The following F10 variants were observed in gnomAD, a reference collection of about 807,000 sequenced individuals.
F10 encodes the protein Stuart-Prower factor.
F10 carries 29 observed loss-of-function variants against 37.1 expected under a neutral mutation model. The ratio of observed to expected loss-of-function variants is 0.78; its 90% confidence interval spans 0.58 to 1.07. The LOEUF is 1.07. F10 is among the 50% of genes least tolerant of loss of function. The pLI, the probability that F10 is intolerant of heterozygous loss-of-function variation, is 0.00. For missense variants in F10, 539 were observed against 667.9 expected, an observed-to-expected ratio of 0.81 and a Z score of 2.13; for synonymous variants, 262 against 268.6, an observed-to-expected ratio of 0.98 and a Z score of 0.24.
At chr13:113,126,268 C>G (rs1461722609) in intron 1 of F10, among the ~76,000 whole-genome samples, 1 of 152,178 alleles carries the variant, frequency 6.6e-6, no homozygotes, top group Non-Finnish European at 1.5e-5. Flanking sequence ...TACCCTCTTC[C>G]TCACACAGTC....
intron 7 of F10, among the ~76,000 whole-genome samples, chr13:113,148,399 T>TACACAC (rs10672302): frequency 0.039 from 5,379 of 138,512 alleles, 170 homozygotes; most frequent in Non-Finnish European, 0.061. Context: ...TACATATATA[T>TACACAC]ACACACACAC....
chr13:113,137,085 A>C (rs2036486226), intron 2 of F10, among the ~76,000 whole-genome samples: 1 of 152,226 alleles, frequency 6.6e-6, no homozygotes, highest in Non-Finnish European at 1.5e-5. Context: ...ACGCCTGGCC[A>C]GCAACTCTAT....
At chr13:113,142,556 C>CA (rs5806973) in intron 5 of F10, among the ~76,000 whole-genome samples, 2,849 of 60,830 alleles carry the variant, frequency 0.047, 135 homozygotes, top group African/African-American at 0.12. Context: ...GACTCTGTCT[C>CA]AAAAAAAAAA....
Position 113,139,634 on chromosome 13 carries a change from A to G in F10, c.370+164A>G, listed in dbSNP as rs910895775. 2.0e-5 allele frequency among the ~76,000 whole-genome samples: 3 copies of G among 151,772 alleles called. No individual in the cohort carries two copies. Among genetic ancestry groups the G allele is most frequent in the African/African-American group, 4.8e-5 (2 of 41,302 alleles). ...TTATACTGTGCCACTATAGCAATAG[A>G]AAAAAAAGCCCCAATATGTCCCCCA... On this transcript the variant is annotated intron_variant, in intron 4 of 7. Transcript: ENST00000375559. The surrounding 1 kb of genome is among the most constrained non-coding windows in gnomAD (Gnocchi z 5.2).
chr13:113,143,023 C>T lies in F10; in HGVS notation c.503-828C>T, dbSNP rs796731961. On this transcript the variant is annotated intron_variant, in intron 5 of 7. Coordinates refer to ENST00000375559, the MANE Select transcript of F10 (RefSeq NM_000504.4). This position sits in a 1 kb window ranked among gnomAD's most constrained non-coding sequence, Gnocchi z 6.8. ...ACACATGGACAGAGCTGAGGCACGG[C>T]GGGGTGGAGGCCCCTGCGGCTGGCA... 1.5e-4 allele frequency among the ~76,000 whole-genome samples: 23 copies of T among 152,268 alleles called. No homozygotes were observed. Among genetic ancestry groups the T allele is most frequent in the African/African-American group, 4.3e-4 (18 of 41,556 alleles).
intron 2 of F10, among the ~76,000 whole-genome samples, chr13:113,133,166 A>C (rs1438026394): frequency 6.6e-6 from 1 of 152,140 alleles, no homozygotes; most frequent in Non-Finnish European, 1.5e-5. Context: ...TTGTTTATGT[A>C]AGCTTCCACT....
chr13:113,138,933 C>A (rs1263425596), intron 3 of F10, among the ~76,000 whole-genome samples: 1 of 152,220 alleles, frequency 6.6e-6, no homozygotes, highest in Non-Finnish European at 1.5e-5. Flanking sequence ...TTGTGTAAAT[C>A]CTCCAAGAAA....
intron 2 of F10, chr13:113,129,905 A>G: frequency 2.3e-6 from 1 of 438,490 alleles, no homozygotes; most frequent in Non-Finnish European, 4.3e-6. Context: ...TTAAAAATAA[A>G]ATGTTAACCT....
intron 2 of F10, among the ~76,000 whole-genome samples, chr13:113,134,257 C>T (rs2036458906): frequency 6.6e-6 from 1 of 152,060 alleles, no homozygotes; most frequent in Non-Finnish European, 1.5e-5. Context: ...TATAGAAAAT[C>T]CTAAAGAATG....
intron 4 of F10, chr13:113,140,399 T>TGTGTTCTTAGATTGGATTACTTTTGA: frequency 2.4e-6 from 1 of 416,896 alleles, no homozygotes; most frequent in Non-Finnish European, 4.9e-6. Context: ...ATCTTTAGAC[T>TGTGTTCTTAGATTGGATTACTTTTGA]GTGTTCTTAG....
chr13:113,144,027 A>C lies in F10; in HGVS notation c.679A>C (p.Arg227=), dbSNP rs1446655179. ...LLDFNQTQPE[R]GDNNLTRIVG... is the part of the protein sequence containing the mutation. ...TGACTTCAACCAGACGCAGCCTGAG[A>C]GGGGCGACAACAACCTCACCAGGAT... Residue 227 remains arginine (R), a synonymous_variant, in exon 6 of 8, where the codon AGG becomes CGG. Coordinates refer to ENST00000375559, the MANE Select transcript of F10 (RefSeq NM_000504.4). The surrounding 1 kb of genome is among the most constrained non-coding windows in gnomAD (Gnocchi z 6.4). 2 of 1,613,574 alleles carry C rather than the reference A, an allele frequency of 1.2e-6. No individual in the cohort carries two copies. Among genetic ancestry groups the C allele is most frequent in the Non-Finnish European group, 1.7e-6 (2 of 1,179,960 alleles).
At chr13:113,137,310 A>G (rs1446475908) in intron 2 of F10, among the ~76,000 whole-genome samples, 1 of 152,116 alleles carries the variant, frequency 6.6e-6, no homozygotes, top group African/African-American at 2.4e-5. Flanking sequence ...CATTGTGATA[A>G]AGAATAGATT....
Position 113,141,805 on chromosome 13 carries a change from A to T in F10, c.502+755A>T, listed in dbSNP as rs1230537563. On this transcript the variant is annotated intron_variant, in intron 5 of 7. Transcript: ENST00000375559. The surrounding 1 kb of genome is among the most constrained non-coding windows in gnomAD (Gnocchi z 5.4). ...CCCACTCATAGCTGGCCCGACCCGC[A>T]GCGTTGGCCTCACCCGGGGGCATAT... 1.3e-5 allele frequency among the ~76,000 whole-genome samples: 2 copies of T among 152,128 alleles called. No individual in the cohort carries two copies. Among genetic ancestry groups the T allele is most frequent in the Non-Finnish European group, 2.9e-5 (2 of 68,020 alleles).
rs137995645 is a variant in F10, at chr13:113,144,053, C to T, written c.705C>T (p.Ile235=). The stretch of plus-strand genomic sequence containing the variant: ...GGGGCGACAACAACCTCACCAGGAT[C>T]GTGGGAGGCCAGGAATGCAAGGACG... The part of the protein sequence containing the change: ...PERGDNNLTR[I]VGGQECKDGE... Residue 235 remains isoleucine, a synonymous_variant, in exon 6 of 8, where the codon ATC becomes ATT. Transcript: ENST00000375559. The surrounding 1 kb of genome is among the most constrained non-coding windows in gnomAD (Gnocchi z 6.4). 15 of 1,613,944 alleles carry T rather than the reference C, an allele frequency of 9.3e-6. No individual in the cohort carries two copies. The highest frequency in any genetic ancestry group is 8.9e-5 in the East Asian group (4 of 44,866).
At chr13:113,131,614 A>G (rs976551329) in intron 2 of F10, 1 of 152,264 alleles carries the variant, frequency 6.6e-6, no homozygotes, top group African/African-American at 2.4e-5. Context: ...ACCTCAGAAC[A>G]TATTCAGGCG....
At position 113,143,969 on chromosome 13, in the gene F10, C is replaced by T. The variant is rs147238846; in HGVS notation, c.621C>T (p.Asp207=). Residue 207 remains aspartate (D), a synonymous_variant, in exon 6 of 8, where the codon GAC becomes GAT. Coordinates refer to ENST00000375559, the MANE Select transcript of F10 (RefSeq NM_000504.4). This position sits in a 1 kb window ranked among gnomAD's most constrained non-coding sequence, Gnocchi z 6.8. ...SITWKPYDAA[D]LDPTENPFDL... is the part of the protein sequence containing the mutation. ...CATGGAAGCCATATGATGCAGCCGACCTGGACCCCACCGAGAACCCCTTCG... is the reference window on the plus strand; with the variant it reads ...CATGGAAGCCATATGATGCAGCCGATCTGGACCCCACCGAGAACCCCTTCG... The T allele has an allele frequency of 2.7e-4, 433 of 1,610,912 alleles. No individual in the cohort carries two copies. In the African/African-American group the frequency reaches 5.2e-3, roughly 19 times the overall value.
chr13:113,148,648 G>C (rs1170365098), intron 7 of F10, among the ~76,000 whole-genome samples: 2 of 152,166 alleles, frequency 1.3e-5, no homozygotes, highest in Non-Finnish European at 2.9e-5. Context: ...CCCACGACTG[G>C]CACAGACGAT....
At chr13:113,133,324 A>T (rs1393212660) in intron 2 of F10, among the ~76,000 whole-genome samples, 1 of 152,204 alleles carries the variant, frequency 6.6e-6, no homozygotes, top group Admixed American at 6.5e-5. Context: ...AACAAACAAA[A>T]ACAAGAAAAA....
At chr13:113,148,341 A>AT (rs1555396289) in intron 7 of F10, among the ~76,000 whole-genome samples, 15 of 103,438 alleles carry the variant, frequency 1.5e-4, no homozygotes, top group African/African-American at 5.6e-4. Context: ...AAAAAAAAAA[A>AT]AAAAATATAT....
Sources: gnomAD v4.1 joint callset for allele counts (sites outside exome capture counted in the v4.1 genomes callset) on GRCh38, gnomAD v4.1.1 for gene constraint, Gnocchi (gnomAD v3.1) non-coding constraint, MANE v1.5 for transcripts, NCBI Gene and HGNC (gene_info 2026-07-23, HGNC 2026-07-21) for gene names.